CDH4: variants seen among roughly 807,000 people sequenced by gnomAD.
The protein encoded by CDH4 is cadherin-4.
Under a neutral mutation model 86.0 loss-of-function variants are expected in CDH4, and 33 were observed. The ratio of observed to expected loss-of-function variants is 0.38; its 90% CI spans 0.29 to 0.51. The LOEUF (loss-of-function observed/expected upper bound fraction) is 0.51. CDH4 is among the 20% of genes least tolerant of loss of function. The pLI is 0.86. For synonymous variants in CDH4, 555 were observed against 549.4 expected, an observed-to-expected ratio of 1.01 and a Z score of -0.14; for missense variants, 1,114 against 1,307.4, an observed-to-expected ratio of 0.85 and a Z score of 2.28.
chr20:61,253,389 C>T (rs1272200203), intron 1 of CDH4, among the ~76,000 whole-genome samples: 1 of 152,004 alleles, frequency 6.6e-6, no homozygotes, highest in African/African-American at 2.4e-5. Flanking sequence ...GGGCAGAGAG[C>T]GCGGCGGCTC....
chr20:61,873,646 C>T (rs1333215835), intron 6 of CDH4, 82 bp from the exon 7 acceptor site: 57 of 1,447,284 alleles, frequency 3.9e-5, no homozygotes, highest in Non-Finnish European at 4.5e-5. Flanking sequence ...GCTCTGTGGT[C>T]GGGGGGCTCT....
At chr20:61,409,125 C>T (rs1057049341) in intron 2 of CDH4, among the ~76,000 whole-genome samples, 2 of 152,330 alleles carry the variant, frequency 1.3e-5, no homozygotes, top group Middle Eastern at 3.4e-3. Flanking sequence ...AAGGCTGCAC[C>T]GGCCACTCCA....
intron 8 of CDH4, among the ~76,000 whole-genome samples, chr20:61,896,180 G>C (rs184385198): frequency 6.6e-6 from 1 of 152,314 alleles, no homozygotes; most frequent in East Asian, 1.9e-4. Flanking sequence ...GTACAGCCAG[G>C]GTGCAGAGCT....
chr20:61,332,297 T>C (rs1428209973), intron 2 of CDH4, among the ~76,000 whole-genome samples: 2 of 152,198 alleles, frequency 1.3e-5, no homozygotes, highest in South Asian at 2.1e-4. Flanking sequence ...TCTGTGGCTA[T>C]GGATTCAGAG....
chr20:61,757,241 C>G (rs879706591), intron 3 of CDH4, among the ~76,000 whole-genome samples: 81 of 152,150 alleles, frequency 5.3e-4, no homozygotes, highest in Non-Finnish European at 8.8e-4. Context: ...AGACCCCCCC[C>G]CCAGCCCCCT....
intron 2 of CDH4, among the ~76,000 whole-genome samples, chr20:61,692,307 A>G (rs938740435): frequency 4.6e-5 from 7 of 151,520 alleles, no homozygotes; most frequent in African/African-American, 1.7e-4. Flanking sequence ...GTGTGTGTGT[A>G]TGTAACTTGT....
In CDH4 at chr20:61,928,404, G is replaced by T; in HGVS notation, c.1986G>T (p.Trp662Cys). The change falls in exon 12 of 16, where the codon TGG becomes TGT. Residue 662 changes from tryptophan (W) to cysteine (C), a missense_variant. By Grantham distance (215) the Trp-to-Cys change is radical. Around this residue, in one of 3 missense-constraint regions of CDH4, gnomAD observed 705 missense variants for 914.1 expected, o/e 0.77. Coordinates refer to ENST00000614565, the MANE Select transcript of CDH4 (RefSeq NM_001794.5). ...PFVPAAVRKNWTITRLNGDYA... is the reference protein window; with the variant it reads ...PFVPAAVRKNCTITRLNGDYA... ...TCCCGGCGGCCGTGCGGAAGAACTG[G>T]ACCATCACCCGCCTGAACGGTGAGC... 1 of 1,611,962 alleles carries T rather than the reference G, an allele frequency of 6.2e-7. No homozygotes were observed.
At chr20:61,825,424 A>C (rs1482789786) in intron 4 of CDH4, among the ~76,000 whole-genome samples, 1 of 152,078 alleles carries the variant, frequency 6.6e-6, no homozygotes, top group Non-Finnish European at 1.5e-5. Flanking sequence ...AAACTATAAT[A>C]ACACCAAAAT....
At chr20:61,713,386 A>T (rs1256335780) in intron 2 of CDH4, among the ~76,000 whole-genome samples, 8 of 152,208 alleles carry the variant, frequency 5.3e-5, no homozygotes, top group Admixed American at 3.3e-4. Flanking sequence ...CCTTTCAAAG[A>T]TGCACAGAAA....
At chr20:61,521,411 G>A (rs1165324613) in intron 2 of CDH4, among the ~76,000 whole-genome samples, 1 of 152,182 alleles carries the variant, frequency 6.6e-6, no homozygotes, top group East Asian at 1.9e-4. Flanking sequence ...AAGAAGATGG[G>A]AGGCAGCGTC....
At chr20:61,833,998 T>A (rs1302063701) in intron 4 of CDH4, among the ~76,000 whole-genome samples, 2 of 152,112 alleles carry the variant, frequency 1.3e-5, no homozygotes, top group East Asian at 3.9e-4. Flanking sequence ...CCAGCGTGGG[T>A]CACATGTCCT....
At chr20:61,849,715 G>A (rs891021731) in intron 5 of CDH4, among the ~76,000 whole-genome samples, 3 of 152,188 alleles carry the variant, frequency 2.0e-5, no homozygotes, top group African/African-American at 4.8e-5. Context: ...GCCTCGGCAC[G>A]TGTCTCCTCC....
rs975768515 is a variant in CDH4 at position 61,269,080 on chromosome 20, G to C, written c.169+14143G>C. 2.0e-5 allele frequency among the ~76,000 whole-genome samples: 3 copies of C among 152,166 alleles called. No homozygotes were observed. Among genetic ancestry groups the C allele is most frequent in the African/African-American group, 7.2e-5 (3 of 41,436 alleles). ...GGTCCTGGGGCTCGGCCCCACTTGA[G>C]GGGTTAACAGCACCACTGTCTGTTG... On this transcript the variant is annotated intron_variant, in intron 2 of 15. Transcript: ENST00000614565. The surrounding 1 kb of genome is among the most constrained non-coding windows in gnomAD (Gnocchi z 5.3).
intron 2 of CDH4, among the ~76,000 whole-genome samples, chr20:61,723,245 G>A (rs796378763): frequency 3.3e-5 from 5 of 152,322 alleles, no homozygotes; most frequent in African/African-American, 1.2e-4. Context: ...CTTGGTCTCA[G>A]TGGTGGCTGC....
rs1201595801 is a variant in CDH4, at chr20:61,929,668, C to T, written c.2065C>T (p.Pro689Ser). The stretch of plus-strand genomic sequence containing the variant: ...CCTGGAGGCCGGGATGTATGACGTC[C>T]CCATCATCGTCACAGACTCTGGAAA... ...LYLEAGMYDVPIIVTDSGNPP... is the reference protein window; with the variant it reads ...LYLEAGMYDVSIIVTDSGNPP... The change falls in exon 13 of 16, where the codon CCC becomes TCC. Residue 689 changes from proline to serine, a missense_variant. Physicochemically the swap from Pro to Ser is moderately conservative, Grantham distance 74. Coordinates refer to ENST00000614565, the MANE Select transcript of CDH4 (RefSeq NM_001794.5). The T allele has an allele frequency of 8.1e-6, 13 of 1,614,110 alleles. 1 individual carries two copies. In the East Asian group the frequency reaches 2.7e-4, roughly 33 times the overall value.
At chr20:61,372,879 GGGAATGAGATTCAAA>G (rs1331500270) in intron 2 of CDH4, among the ~76,000 whole-genome samples, 35 of 152,374 alleles carry the variant, frequency 2.3e-4, no homozygotes, top group African/African-American at 8.2e-4. Context: ...GGAGGTTTCC[GGGAATGAGATTCAAA>G]GGGCGGAGGC....
intron 4 of CDH4, among the ~76,000 whole-genome samples, chr20:61,837,182 G>A (rs563348578): frequency 2.6e-5 from 4 of 152,288 alleles, no homozygotes; most frequent in Non-Finnish European, 5.9e-5. Flanking sequence ...GACAGAGCAA[G>A]ACCCTGTCTC....
At chr20:61,664,932 A>G (rs8123339) in intron 2 of CDH4, among the ~76,000 whole-genome samples, 1,575 of 152,370 alleles carry the variant, frequency 0.01, 29 homozygotes, top group African/African-American at 0.032. Context: ...GAAATTAGCA[A>G]CAGTCATCAT....
intron 2 of CDH4, among the ~76,000 whole-genome samples, chr20:61,615,937 T>C (rs1004571524): frequency 1.3e-5 from 2 of 152,134 alleles, no homozygotes. Flanking sequence ...CAGCCCTGTC[T>C]CCTGTCTGAG....
Sources: gnomAD v4.1 joint callset for allele counts (sites outside exome capture counted in the v4.1 genomes callset) on GRCh38, gnomAD v4.1.1 for gene constraint, gnomAD v4.1.1 regional missense constraint, Gnocchi (gnomAD v3.1) non-coding constraint, MANE v1.5 for transcripts, NCBI Gene and HGNC (gene_info 2026-07-23, HGNC 2026-07-21) for gene names.